Variants in RUNX1T1 observed in about 807,000 individuals in gnomAD.
RUNX1T1 encodes the protein protein CBFA2T1.
A neutral mutation model predicts 62.8 loss-of-function variants in RUNX1T1; 4 were observed. The ratio of observed to expected loss-of-function variants is 0.06; its 90% CI spans 0.03 to 0.15. RUNX1T1 has a LOEUF of 0.15. Among genes scored for constraint, RUNX1T1 ranks in the 10% least tolerant of loss-of-function variants. RUNX1T1 has a pLI of 1.00. For synonymous variants in RUNX1T1, 291 were observed against 286.0 expected (o/e 1.02, Z -0.18); for missense variants, 508 against 754.3 (o/e 0.67, Z 3.82).
chr8:92,032,626 T>A (rs925893924), intron 1 of RUNX1T1, among the ~76,000 whole-genome samples: 6 of 152,152 alleles, frequency 3.9e-5, no homozygotes, highest in African/African-American at 1.4e-4. Context: ...TAGAAATAGT[T>A]CCATCAGGCC....
chr8:91,956,312 T>A (rs1027611054), downstream of RUNX1T1: 8 of 231,020 alleles, frequency 3.5e-5, no homozygotes, highest in African/African-American at 1.8e-4. Context: ...GAGCTCGACT[T>A]TTGCAAAGTT....
chr8:92,096,659 G>A (rs1837770673), intron 1 of RUNX1T1, among the ~76,000 whole-genome samples: 1 of 152,184 alleles, frequency 6.6e-6, no homozygotes, highest in African/African-American at 2.4e-5. Context: ...TCAAGAGTGA[G>A]TTCAGAATGA....
At chr8:92,103,169 C>T (rs1808455659), upstream of RUNX1T1, 4 of 362,220 alleles carry the variant, frequency 1.1e-5, no homozygotes. Flanking sequence ...TCCCCTCCTC[C>T]CGCCTCCCTC....
At chr8:91,984,415 C>G (rs1308200296) in intron 8 of RUNX1T1, among the ~76,000 whole-genome samples, 1 of 152,112 alleles carries the variant, frequency 6.6e-6, no homozygotes, top group East Asian at 1.9e-4. Context: ...GTCAGTTTGG[C>G]CGACTGAATT....
At chr8:92,068,540 A>G (rs1290317622) in intron 2 of RUNX1T1, among the ~76,000 whole-genome samples, 1 of 152,148 alleles carries the variant, frequency 6.6e-6, no homozygotes, top group Admixed American at 6.5e-5. Context: ...TATTCATGAC[A>G]TACCAATTTC....
chr8:91,988,165 A>G (rs1022741169), intron 6 of RUNX1T1, among the ~76,000 whole-genome samples: 1 of 152,134 alleles, frequency 6.6e-6, no homozygotes, highest in Non-Finnish European at 1.5e-5. Context: ...ACAAATAAAG[A>G]TGAGTCACAT....
chr8:91,998,096 A>C (rs1386965701), intron 5 of RUNX1T1, among the ~76,000 whole-genome samples: 1 of 152,138 alleles, frequency 6.6e-6, no homozygotes, highest in African/African-American at 2.4e-5. Flanking sequence ...ACATTGAATC[A>C]AGGGGGGGAA....
At chr8:92,066,886 A>G (rs1832957735), upstream of RUNX1T1, among the ~76,000 whole-genome samples, 1 of 152,238 alleles carries the variant, frequency 6.6e-6, no homozygotes, top group Non-Finnish European at 1.5e-5. Flanking sequence ...TTAAGAGGTT[A>G]TCTGTCATTT....
In RUNX1T1 at chr8:92,080,542, CA is replaced by C. The variant is rs1350336006; in HGVS notation, c.-85-4406del. On this transcript the variant is annotated intron_variant, in intron 1 of 11. Transcript: ENST00000265814. ...CCTTTAAGGCATAAGTGCACTCTAG[CA>C]GCTTTTTATGCATTGGATTATCTCA... Among the ~76,000 whole-genome samples, 5 of 152,360 alleles carry C rather than the reference CA, an allele frequency of 3.3e-5. No individual in the cohort carries two copies. The East Asian group carries it at 9.6e-4, about 29-fold the overall frequency.
At chr8:92,096,582 G>A (rs906588336) in intron 1 of RUNX1T1, among the ~76,000 whole-genome samples, 3 of 152,172 alleles carry the variant, frequency 2.0e-5, no homozygotes, top group Non-Finnish European at 4.4e-5. Context: ...TATTGGGGGA[G>A]GGGAAGTATT....
intron 1 of RUNX1T1, among the ~76,000 whole-genome samples, chr8:92,097,365 T>C (rs1031583283): frequency 2.6e-5 from 4 of 152,340 alleles, no homozygotes; most frequent in South Asian, 2.1e-4. Flanking sequence ...AACAGATTTC[T>C]AGCGTATCAC....
In RUNX1T1 at chr8:92,001,453, A is replaced by G. The variant is rs1208507601; in HGVS notation, c.659+3663T>C. Among the ~76,000 whole-genome samples, 6 of 152,186 alleles carry G rather than the reference A, an allele frequency of 3.9e-5. No individual in the cohort carries two copies. The South Asian group carries it at 1.2e-3, about 32-fold the overall frequency. ...ACATAACTCTGAAGTTCAACCAATT[A>G]TTTTTAGAGAATAATGTTTAACCCT... On this transcript the variant is annotated intron_variant, in intron 5 of 10. Coordinates refer to ENST00000396218, the Ensembl canonical transcript of RUNX1T1.
At chr8:92,005,205 C>T (rs2131023643) in exon 5 of RUNX1T1, 1 of 1,614,076 alleles carries the variant, frequency 6.2e-7, no homozygotes, top group Non-Finnish European at 8.5e-7. Context: ...CATCCAGAAG[C>T]AGCTGTTCAT....
chr8:92,085,299 G>A (rs981628622), intron 1 of RUNX1T1, among the ~76,000 whole-genome samples: 1 of 152,130 alleles, frequency 6.6e-6, no homozygotes, highest in Non-Finnish European at 1.5e-5. Context: ...AGGACATACA[G>A]CAAAAAGGCT....
upstream of RUNX1T1, among the ~76,000 whole-genome samples, chr8:92,100,263 G>C (rs749273720): frequency 1.3e-5 from 2 of 151,904 alleles, no homozygotes; most frequent in African/African-American, 2.4e-5. Context: ...AGTCTGCTTT[G>C]AGTTGTACAA....
rs1455806558 is a variant in RUNX1T1, at chr8:92,026,840, G to A, written c.8-9477C>T. On this transcript the variant is annotated intron_variant, in intron 1 of 10. Coordinates refer to ENST00000396218, the Ensembl canonical transcript of RUNX1T1. The stretch of plus-strand genomic sequence containing the variant: ...CAGTCTCAAAAACAAACAAACGGCC[G>A]GGCGCGGTGGCTCACGCCTGTAATC... Among the ~76,000 whole-genome samples the A allele has an allele frequency of 1.0e-4, 15 of 147,698 alleles. No individual in the cohort carries two copies. The South Asian group carries it at 1.1e-3, about 11-fold the overall frequency.
At position 92,013,747 on chromosome 8, in the gene RUNX1T1, A is replaced by G. The variant is rs910519959; in HGVS notation, c.387+832T>C. Among the ~76,000 whole-genome samples, 12 of 152,334 alleles carry G rather than the reference A, an allele frequency of 7.9e-5. 2 individuals carry two copies. The highest frequency in any genetic ancestry group is 4.6e-4 in the Admixed American group (7 of 15,298). ...ATTTTCTAGTGTGACAATGTGCAGA[A>G]CGTAGTGTAATATGCAAAAACCAAC... On this transcript the variant is annotated intron_variant, in intron 3 of 10. Coordinates refer to ENST00000396218, the Ensembl canonical transcript of RUNX1T1.
chr8:92,032,384 T>C (rs1420293299), intron 1 of RUNX1T1, among the ~76,000 whole-genome samples: 2 of 152,100 alleles, frequency 1.3e-5, no homozygotes, highest in Non-Finnish European at 2.9e-5. Flanking sequence ...ACTCATTCTG[T>C]ATGAATAAAA....
chr8:92,031,494 C>G (rs1826220680), intron 1 of RUNX1T1, among the ~76,000 whole-genome samples: 2 of 152,228 alleles, frequency 1.3e-5, no homozygotes, highest in South Asian at 4.1e-4. Flanking sequence ...TTATTTGAGA[C>G]AGGGTCTTGC....
Sources: gnomAD v4.1 joint callset for allele counts (sites outside exome capture counted in the v4.1 genomes callset) on GRCh38, gnomAD v4.1.1 for gene constraint, MANE v1.5 for transcripts, NCBI Gene and HGNC (gene_info 2026-07-23, HGNC 2026-07-21) for gene names.